GRM8: variants seen among roughly 807,000 people sequenced by gnomAD.
The protein encoded by GRM8 is metabotropic glutamate receptor 8.
GRM8 carries 47 observed loss-of-function variants against 87.2 expected under a neutral mutation model. That is an observed-to-expected ratio of 0.54 (90% CI 0.43 to 0.69). The LOEUF is 0.69. GRM8 is among the 30% of genes least tolerant of loss of function. The pLI, the probability that GRM8 is intolerant of heterozygous loss-of-function variation, is 0.00. For synonymous variants in GRM8, 396 were observed against 404.5 expected (o/e 0.98, Z 0.25); for missense variants, 1,019 against 1,139.2 (o/e 0.89, Z 1.52).
chr7:126,810,253 A>C (rs1397542221), intron 6 of GRM8, among the ~76,000 whole-genome samples: 2 of 152,112 alleles, frequency 1.3e-5, no homozygotes, highest in Non-Finnish European at 2.9e-5. Flanking sequence ...TAAGAGGAAA[A>C]ACATGAACAG....
At chr7:126,573,956 C>T (rs1794902830) in intron 8 of GRM8, among the ~76,000 whole-genome samples, 1 of 152,186 alleles carries the variant, frequency 6.6e-6, no homozygotes, top group African/African-American at 2.4e-5. Context: ...AGGTATAATA[C>T]TTGTAGTTAT....
intron 7 of GRM8, among the ~76,000 whole-genome samples, chr7:126,720,861 C>G (rs1341579534): frequency 6.6e-6 from 1 of 152,148 alleles, no homozygotes; most frequent in Non-Finnish European, 1.5e-5. Context: ...ATTGGCATCT[C>G]TAAGAAGAGT....
intron 6 of GRM8, among the ~76,000 whole-genome samples, chr7:126,832,520 C>G (rs1194848463): frequency 6.6e-6 from 1 of 152,118 alleles, no homozygotes; most frequent in Non-Finnish European, 1.5e-5. Flanking sequence ...AAAATAGCAA[C>G]TTTTTTCTAT....
At chr7:126,586,385 C>T (rs1796126160) in intron 8 of GRM8, among the ~76,000 whole-genome samples, 1 of 152,042 alleles carries the variant, frequency 6.6e-6, no homozygotes, top group Admixed American at 6.6e-5. Flanking sequence ...AATCCTAAGC[C>T]AAAAGAACAA....
chr7:127,121,787 C>T (rs201501866), intron 2 of GRM8, among the ~76,000 whole-genome samples: 16 of 152,064 alleles, frequency 1.1e-4, no homozygotes, highest in Non-Finnish European at 1.6e-4. Context: ...CAGCACTAGG[C>T]GGATGGTCCT....
intron 3 of GRM8, among the ~76,000 whole-genome samples, chr7:127,004,899 G>A (rs1423386230): frequency 1.3e-5 from 2 of 151,580 alleles, no homozygotes; most frequent in African/African-American, 2.4e-5. Flanking sequence ...AGAAAGGGAT[G>A]AAGAAGAAAA....
chr7:126,967,617 T>C (rs1810007301), intron 3 of GRM8, among the ~76,000 whole-genome samples: 1 of 152,116 alleles, frequency 6.6e-6, no homozygotes, highest in African/African-American at 2.4e-5. Context: ...TTGACTTTCA[T>C]TAGGAAATCG....
At chr7:127,227,435 G>A (rs1332729729) in intron 2 of GRM8, among the ~76,000 whole-genome samples, 1 of 152,186 alleles carries the variant, frequency 6.6e-6, no homozygotes, top group Non-Finnish European at 1.5e-5. Flanking sequence ...GAAACGAGAA[G>A]CAAATGAAAA....
chr7:126,597,154 A>G (rs61676346), intron 8 of GRM8, among the ~76,000 whole-genome samples: 110,823 of 151,966 alleles, frequency 0.73, 41,285 homozygotes, highest in East Asian at 0.94. Flanking sequence ...CCATATTAAC[A>G]TACTACGGGG....
intron 8 of GRM8, among the ~76,000 whole-genome samples, chr7:126,589,457 G>T (rs1475545044): frequency 6.6e-6 from 1 of 152,100 alleles, no homozygotes; most frequent in Non-Finnish European, 1.5e-5. Context: ...ATCCCCCACA[G>T]CAGCTGCAGC....
chr7:127,219,872 A>C (rs1796809067), intron 2 of GRM8, among the ~76,000 whole-genome samples: 1 of 152,164 alleles, frequency 6.6e-6, no homozygotes, highest in Non-Finnish European at 1.5e-5. Flanking sequence ...GGATCTGCTG[A>C]CCTGGGAGCA....
intron 7 of GRM8, among the ~76,000 whole-genome samples, chr7:126,688,721 TTCTC>T (rs1200532336): frequency 4.3e-5 from 6 of 140,332 alleles, no homozygotes; most frequent in Non-Finnish European, 7.5e-5. Flanking sequence ...TTTCCCTATT[TTCTC>T]TCTCTCTCTT....
intron 7 of GRM8, among the ~76,000 whole-genome samples, chr7:126,761,688 C>T (rs544693065): frequency 5.5e-4 from 84 of 152,282 alleles, no homozygotes; most frequent in Middle Eastern, 6.8e-3. Context: ...CAGGACCAAG[C>T]TCATCTTACT....
At chr7:126,453,836 T>C (rs1348208237) in intron 9 of GRM8, among the ~76,000 whole-genome samples, 2 of 151,786 alleles carry the variant, frequency 1.3e-5, no homozygotes, top group Admixed American at 6.6e-5. Context: ...AGTAAATAAG[T>C]AAACTGATGT....
At chr7:127,215,535 T>C (rs916918789) in intron 2 of GRM8, among the ~76,000 whole-genome samples, 1 of 152,116 alleles carries the variant, frequency 6.6e-6, no homozygotes, top group African/African-American at 2.4e-5. Flanking sequence ...AACTGAAGCT[T>C]TCAGTTTCTG....
At chr7:127,042,599 T>C (rs1449839342) in intron 3 of GRM8, among the ~76,000 whole-genome samples, 2 of 152,314 alleles carry the variant, frequency 1.3e-5, no homozygotes, top group African/African-American at 2.4e-5. Context: ...TTACACCTTA[T>C]ACAAAAATTA....
chr7:126,888,282 CAAAGA>C (rs1276295989), intron 6 of GRM8, among the ~76,000 whole-genome samples: 2 of 152,178 alleles, frequency 1.3e-5, no homozygotes, highest in Non-Finnish European at 2.9e-5. Flanking sequence ...TGACTAGGGA[CAAAGA>C]AAAGATCACA....
At chr7:126,556,829 G>A (rs1793202152) in intron 8 of GRM8, among the ~76,000 whole-genome samples, 1 of 152,130 alleles carries the variant, frequency 6.6e-6, no homozygotes, top group Non-Finnish European at 1.5e-5. Context: ...TAAAGAGAAT[G>A]TCAGTTCTAT....
chr7:127,149,743 AGATT>A (rs1479182719), intron 2 of GRM8, among the ~76,000 whole-genome samples: 3 of 152,068 alleles, frequency 2.0e-5, no homozygotes, highest in Non-Finnish European at 4.4e-5. Flanking sequence ...AAAAAGAACA[AGATT>A]CTACTTGCCA....
Sources: gnomAD v4.1 joint callset for allele counts (sites outside exome capture counted in the v4.1 genomes callset) on GRCh38, gnomAD v4.1.1 for gene constraint, MANE v1.5 for transcripts, NCBI Gene and HGNC (gene_info 2026-07-23, HGNC 2026-07-21) for gene names.